SP100: variants seen among roughly 807,000 people sequenced by gnomAD.
The protein encoded by SP100 is SP100 nuclear body protein, also known as nuclear autoantigen Sp-100.
A neutral mutation model predicts 130.0 loss-of-function variants in SP100; 84 were observed. The ratio of observed to expected loss-of-function variants is 0.65; its 90% CI spans 0.54 to 0.77. The LOEUF (loss-of-function observed/expected upper bound fraction) is 0.77, where lower values mean the gene tolerates loss of function less well. SP100 is among the 30% of genes least tolerant of loss of function. The pLI is 0.00. For missense variants in SP100, 978 were observed against 1,052.2 expected, an observed-to-expected ratio of 0.93 and a Z score of 0.97; for synonymous variants, 331 against 351.7, an observed-to-expected ratio of 0.94 and a Z score of 0.66.
In SP100 at chr2:230,444,158, T is replaced by G. The variant is rs2063587379; in HGVS notation, c.271-20T>G. 1.3e-6 allele frequency: 2 copies of G among 1,518,934 alleles called. No homozygotes were observed. The highest frequency in any genetic ancestry group is 1.8e-6 in the Non-Finnish European group (2 of 1,121,950). The allele number at this position is 1,518,934 out of a possible 1,614,324, so 94.1% of individuals were successfully genotyped here. On this transcript the variant is annotated intron_variant, in intron 3 of 28. Transcript: ENST00000340126. ...CTTGGAAGTCTTTATTTATATTTTCTCCATTCAATATTTTTTAAGGATTCT... is the reference window on the plus strand; with the variant it reads ...CTTGGAAGTCTTTATTTATATTTTCGCCATTCAATATTTTTTAAGGATTCT...
chr2:230,532,749 A>ATG (rs1461984072), intron 24 of SP100, among the ~76,000 whole-genome samples: 1 of 152,168 alleles, frequency 6.6e-6, no homozygotes, highest in East Asian at 1.9e-4. Flanking sequence ...AATCATGGAA[A>ATG]TGTGTGCTAG....
At position 230,449,784 on chromosome 2, in the gene SP100, G is replaced by A. The variant is rs1050730452; in HGVS notation, c.736+74G>A. 5 of 1,488,524 alleles carry A rather than the reference G, an allele frequency of 3.4e-6. No homozygotes were observed. The African/African-American group carries it at 4.2e-5, about 12-fold the overall frequency. The allele number at this position is 1,488,524 out of a possible 1,614,324, so 92.2% of individuals were successfully genotyped here. On this transcript the variant is annotated intron_variant, in intron 7 of 28. Coordinates refer to ENST00000340126, the MANE Select transcript of SP100 (RefSeq NM_001080391.2). ...GCTGGTGGCAGAGGAAGAGTCTAAT[G>A]CACAATACAAGGAGACACCTGTTTA... is the stretch of plus-strand genomic sequence containing the variant.
intron 24 of SP100, chr2:230,538,080 CTGATGCCTATA>C: frequency 6.6e-6 from 1 of 152,324 alleles, no homozygotes; most frequent in South Asian, 2.1e-4. Context: ...TTAAGACATA[CTGATGCCTATA>C]CACCAACCCA....
intron 11 of SP100, 73 bp downstream of exon 11, chr2:230,464,223 T>C: frequency 1.1e-6 from 1 of 938,242 alleles, no homozygotes; most frequent in East Asian, 2.5e-5. Context: ...GTTTTCTTGA[T>C]TAATTTCATT....
At chr2:230,511,037 C>A in intron 23 of SP100, 88 bp from the exon 24 acceptor site, 1 of 868,098 alleles carries the variant, frequency 1.2e-6, no homozygotes, top group African/African-American at 1.7e-5. Flanking sequence ...TGGCATGAAT[C>A]CCTTAAAAAT....
At chr2:230,449,747 C>CAAGGGGCCCTGGCTGGTGGCAGAG in intron 7 of SP100, 37 bp downstream of exon 7, 1 of 1,611,292 alleles carries the variant, frequency 6.2e-7, no homozygotes, top group Non-Finnish European at 8.5e-7. Context: ...GGGGAGGAGC[C>CAAGGGGCCCTGGCTGGTGGCAGAG]AAGGGGCCCT....
intron 1 of SP100, 137 bp downstream of exon 1, chr2:230,416,465 A>T: frequency 1.3e-6 from 1 of 762,902 alleles, no homozygotes; most frequent in South Asian, 1.9e-5. Flanking sequence ...TATATAATGA[A>T]ATGAAAGACA....
At chr2:230,440,761 T>G (rs2149896915) in intron 2 of SP100, among the ~76,000 whole-genome samples, 1 of 152,302 alleles carries the variant, frequency 6.6e-6, no homozygotes, top group Non-Finnish European at 1.5e-5. Context: ...TCTAATTGAC[T>G]TCAAGACTTT....
intron 24 of SP100, among the ~76,000 whole-genome samples, chr2:230,523,824 G>A (rs756415321): frequency 9.2e-5 from 14 of 151,632 alleles, no homozygotes; most frequent in Admixed American, 4.6e-4. Flanking sequence ...CAGAAGAATC[G>A]CTTGAATCTG....
At chr2:230,458,186 T>C (rs751910423) in intron 8 of SP100, among the ~76,000 whole-genome samples, 5 of 152,254 alleles carry the variant, frequency 3.3e-5, no homozygotes, top group Non-Finnish European at 5.9e-5. Flanking sequence ...CAACTGCTGT[T>C]GACCAGAAGC....
chr2:230,490,089 ATCTG>A (rs1478721145), intron 17 of SP100, among the ~76,000 whole-genome samples: 1 of 152,194 alleles, frequency 6.6e-6, no homozygotes. Flanking sequence ...TGTCTCATTG[ATCTG>A]TCTAATATTG....
intron 2 of SP100, among the ~76,000 whole-genome samples, chr2:230,438,595 G>A (rs558161397): frequency 5.3e-5 from 8 of 150,044 alleles, no homozygotes; most frequent in South Asian, 2.1e-4. Context: ...TGCTGAGAAC[G>A]CCATTATTGC....
In SP100 at chr2:230,450,039, G is replaced by A. The variant is rs142189123; in HGVS notation, c.737-133G>A. ...ATCAATGAAGCACGAACACCTTCAC[G>A]CAGCAATATATGCAGACAGGGGTAT... is the stretch of plus-strand genomic sequence containing the variant. On this transcript the variant is annotated intron_variant, in intron 7 of 28. Coordinates refer to ENST00000340126, the MANE Select transcript of SP100 (RefSeq NM_001080391.2). 563 of 662,766 alleles carry A rather than the reference G, an allele frequency of 8.5e-4. 4 individuals carry two copies. The African/African-American group carries it at 8.8e-3, about 10-fold the overall frequency. The allele number at this position is 662,766 out of a possible 1,614,324, so 41.1% of individuals were successfully genotyped here. A position where few individuals can be genotyped will look rare whatever the true frequency, so the allele number is the denominator to read the frequency against.
intron 23 of SP100, chr2:230,508,266 G>T: frequency 5.1e-6 from 2 of 392,650 alleles, no homozygotes; most frequent in Admixed American, 4.6e-5. Context: ...TTAAAAGACA[G>T]AACTGAATTG....
intron 4 of SP100, among the ~76,000 whole-genome samples, chr2:230,445,147 T>C (rs1008207605): frequency 3.9e-5 from 6 of 152,210 alleles, no homozygotes; most frequent in Non-Finnish European, 8.8e-5. Flanking sequence ...AAGGTTTCAT[T>C]CTTGACCTTT....
Position 230,540,973 on chromosome 2 carries a change from C to T in SP100, c.2308C>T (p.Gln770Ter). 1 of 1,612,546 alleles carries T rather than the reference C, an allele frequency of 6.2e-7. No individual in the cohort carries two copies. The highest frequency in any genetic ancestry group is 8.5e-7 in the Non-Finnish European group (1 of 1,178,898). ...TCAGGAATCTGAAGTCCTGATGAGG[C>T]AGATGCTGCCTGAGGAGCAGTTGGT... Reference protein sequence around the residue: ...GHQESEVLMRQMLPEEQLKCE... With the variant: ...GHQESEVLMR The change falls in exon 26 of 29, where the codon CAG becomes TAG. Residue 770 changes from glutamine to a stop codon, truncating the protein, a stop_gained. Coordinates refer to ENST00000340126, the MANE Select transcript of SP100 (RefSeq NM_001080391.2). LOFTEE classifies it high-confidence loss of function.
chr2:230,431,716 T>C (rs928647270), intron 2 of SP100, among the ~76,000 whole-genome samples: 5 of 152,202 alleles, frequency 3.3e-5, no homozygotes, highest in Non-Finnish European at 7.3e-5. Flanking sequence ...TATTCTCTTC[T>C]GGAATTCCCC....
chr2:230,541,411 T>C, intron 27 of SP100, 39 bp downstream of exon 27: 1 of 1,528,378 alleles, frequency 6.5e-7, no homozygotes, highest in Non-Finnish European at 9.1e-7. Context: ...TACTGGCATT[T>C]GTCAAATCTG....
chr2:230,490,991 C>T (rs2066362658), intron 17 of SP100, among the ~76,000 whole-genome samples: 1 of 152,090 alleles, frequency 6.6e-6, no homozygotes, highest in Admixed American at 6.5e-5. Flanking sequence ...ATGGTGTTCT[C>T]TGTATTTCTT....
Sources: gnomAD v4.1 joint callset for allele counts (sites outside exome capture counted in the v4.1 genomes callset) on GRCh38, gnomAD v4.1.1 for gene constraint, MANE v1.5 for transcripts, NCBI Gene and HGNC (gene_info 2026-07-23, HGNC 2026-07-21) for gene names.